Variants in CD34 observed in about 807,000 individuals in gnomAD.
CD34 encodes CD34 molecule.
CD34 carries 34 observed loss-of-function variants against 40.1 expected under a neutral mutation model. That is an observed-to-expected ratio of 0.85 (90% CI 0.65 to 1.13). The LOEUF (loss-of-function observed/expected upper bound fraction) is 1.13. Ranked by LOEUF, CD34 falls within the 50% of genes most tolerant of loss-of-function variation. The probability of loss-of-function intolerance (pLI) is 0.00; values close to 1 mark genes in which losing one functional copy is unlikely to be tolerated. For missense variants in CD34, 426 were observed against 466.9 expected (o/e 0.91, Z 0.81); for synonymous variants, 209 against 190.0 (o/e 1.10, Z -0.82).
At chr1:207,900,995 A>ACT (rs1025646137) in intron 1 of CD34, among the ~76,000 whole-genome samples, 2 of 97,434 alleles carry the variant, frequency 2.1e-5, no homozygotes, top group Non-Finnish European at 4.0e-5. Flanking sequence ...TGGGATACAT[A>ACT]CTTTTTTTTT....
At chr1:207,895,510 G>T (rs1662133419) in intron 4 of CD34, among the ~76,000 whole-genome samples, 1 of 152,214 alleles carries the variant, frequency 6.6e-6, no homozygotes, top group African/African-American at 2.4e-5. Context: ...CCCACTCACA[G>T]ATACTACCTC....
intron 7 of CD34, 76 bp from the exon 8 acceptor site, chr1:207,887,999 C>T (rs1207149836): frequency 3.5e-6 from 5 of 1,426,882 alleles, no homozygotes; most frequent in Middle Eastern, 1.9e-4. Flanking sequence ...GGGGCCCAAA[C>T]AGGAAGTGGG....
chr1:207,895,467 G>A (rs1307634888), intron 4 of CD34, among the ~76,000 whole-genome samples: 1 of 152,176 alleles, frequency 6.6e-6, no homozygotes, highest in Non-Finnish European at 1.5e-5. Flanking sequence ...CTTTGGCATA[G>A]GAACTGGAGG....
chr1:207,903,364 C>G (rs573689109), intron 1 of CD34, among the ~76,000 whole-genome samples: 6 of 152,154 alleles, frequency 3.9e-5, no homozygotes, highest in Non-Finnish European at 7.3e-5. Context: ...TTGTCACATC[C>G]TAAGAGACAA....
intron 1 of CD34, among the ~76,000 whole-genome samples, chr1:207,906,621 G>C (rs1360521742): frequency 1.3e-5 from 2 of 152,112 alleles, no homozygotes; most frequent in East Asian, 3.9e-4. Context: ...GATGTGGGTG[G>C]ATCATCTGAA....
At chr1:207,910,860 G>A in intron 1 of CD34, 142 bp downstream of exon 1, 1 of 830,732 alleles carries the variant, frequency 1.2e-6, no homozygotes, top group Non-Finnish European at 1.9e-6. Context: ...GCCCCGGGGG[G>A]AAGCAGCTGT....
rs745370982 is a variant in CD34 at position 207,911,120 on chromosome 1, G to A, written c.-40C>T. On this transcript the variant is annotated 5_prime_UTR_variant, in exon 1 of 8. Transcript: ENST00000310833. Reference sequence around the variant, plus strand: ...TCCTAGAGAGACGCACCGAGTGGAAGACACTACTCGGCTTGGCCAGGACGC... The same window carrying A: ...TCCTAGAGAGACGCACCGAGTGGAAAACACTACTCGGCTTGGCCAGGACGC... 3 of 1,527,176 alleles carry A rather than the reference G, an allele frequency of 2.0e-6. No homozygotes were observed. The highest frequency in any genetic ancestry group is 1.8e-6 in the Non-Finnish European group (2 of 1,135,534). 94.6% of individuals were successfully genotyped at this position (1,527,176 alleles called of 1,614,324 possible).
intron 1 of CD34, 118 bp from the exon 2 acceptor site, chr1:207,900,121 T>C (rs1263428462): frequency 2.8e-5 from 21 of 749,456 alleles, no homozygotes; most frequent in Non-Finnish European, 4.1e-5. Flanking sequence ...CTGCCCCTTG[T>C]TGGCAGCAAC....
Position 207,880,976 on chromosome 1 carries a change from T to C in CD34, c.*6762A>G, listed in dbSNP as rs1286468426. 1 of 152,218 alleles carries C rather than the reference T, an allele frequency of 6.6e-6. No individual in the cohort carries two copies. The highest frequency in any genetic ancestry group is 1.5e-5 in the Non-Finnish European group (1 of 68,036). 9.4% of individuals were successfully genotyped at this position (152,218 alleles called of 1,614,324 possible). A position where few individuals can be genotyped will look rare whatever the true frequency, so the allele number is the denominator to read the frequency against. ...GAAGGGTTAAAGTGAAATGTATTCCTACCAAAACTATAAGGTCATGTTTAA... is the reference window on the plus strand; with the variant it reads ...GAAGGGTTAAAGTGAAATGTATTCCCACCAAAACTATAAGGTCATGTTTAA... On this transcript the variant is annotated 3_prime_UTR_variant, in exon 8 of 8. Coordinates refer to ENST00000310833, the MANE Select transcript of CD34 (RefSeq NM_001025109.2).
At chr1:207,888,075 G>T in intron 7 of CD34, 152 bp from the exon 8 acceptor site, 2 of 1,613,776 alleles carry the variant, frequency 1.2e-6, no homozygotes, top group South Asian at 2.2e-5. Context: ...GCAGCTGCAT[G>T]TGCAGACTCC....
Position 207,910,997 on chromosome 1 carries a change from C to A in CD34, c.79+5G>T. On this transcript the variant is annotated splice_donor_5th_base_variant and intron_variant, in intron 1 of 7. Transcript: ENST00000310833. ...AAGCGGCCGCGGCGCGCGGGCGGTA[C>A]TCACGCAGCAAACTCAGCAAGCAAA... The A allele has an allele frequency of 6.3e-7, 1 of 1,581,676 alleles. No individual in the cohort carries two copies. The highest frequency in any genetic ancestry group is 8.6e-7 in the Non-Finnish European group (1 of 1,166,860).
At chr1:207,904,125 C>T (rs1017049448) in intron 1 of CD34, among the ~76,000 whole-genome samples, 1 of 152,216 alleles carries the variant, frequency 6.6e-6, no homozygotes, top group African/African-American at 2.4e-5. Context: ...GAAAGCTCTG[C>T]TACCAAAATA....
intron 2 of CD34, 37 bp downstream of exon 2, chr1:207,899,784 G>C (rs746269732): frequency 1.3e-6 from 2 of 1,566,968 alleles, no homozygotes; most frequent in Admixed American, 1.8e-5. Context: ...AGCATCACCA[G>C]CATCTCTCCG....
intron 6 of CD34, 111 bp from the exon 7 acceptor site, chr1:207,888,957 A>T (rs1661970138): frequency 8.9e-7 from 1 of 1,124,988 alleles, no homozygotes; most frequent in Admixed American, 2.1e-5. Flanking sequence ...GAGGGCATTG[A>T]CCTCAGGAAT....
At position 207,887,724 on chromosome 1, in the gene CD34, C is replaced by G. The variant is rs757688761; in HGVS notation, c.*14G>C. 4.3e-6 allele frequency: 7 copies of G among 1,613,878 alleles called. No individual in the cohort carries two copies. In the African/African-American group the frequency reaches 9.3e-5, roughly 22 times the overall value. ...TCTCTCGGACACTGCCCAGCCTTGCCCCACCTAGCCGAGTCACAATTCGGT... is the reference window on the plus strand; with the variant it reads ...TCTCTCGGACACTGCCCAGCCTTGCGCCACCTAGCCGAGTCACAATTCGGT... On this transcript the variant is annotated 3_prime_UTR_variant, in exon 8 of 8. Transcript: ENST00000310833.
chr1:207,906,706 T>C (rs1039138841), intron 1 of CD34, among the ~76,000 whole-genome samples: 1 of 152,106 alleles, frequency 6.6e-6, no homozygotes, highest in East Asian at 1.9e-4. Context: ...TAGCTGGGCA[T>C]GGTGGCGCAT....
At chr1:207,902,769 G>A (rs1485627530) in intron 1 of CD34, among the ~76,000 whole-genome samples, 1 of 152,162 alleles carries the variant, frequency 6.6e-6, no homozygotes, top group African/African-American at 2.4e-5. Flanking sequence ...TTTTCCAGAT[G>A]TGGAGTGAGA....
Position 207,897,498 on chromosome 1 carries a change from T to C in CD34, c.592A>G (p.Ser198Gly). 7 of 1,557,620 alleles carry C rather than the reference T, an allele frequency of 4.5e-6. No individual in the cohort carries two copies. The highest frequency in any genetic ancestry group is 6.1e-6 in the Non-Finnish European group (7 of 1,148,812). ...TGGGTGGGGGGTTGACTTACACAGC[T>C]GGAGGTCTTATTTTGCTCCAGGCAG... is the stretch of plus-strand genomic sequence containing the variant. Reference protein sequence around the residue: ...GICLEQNKTSSCAEFKKDRGE... With the variant: ...GICLEQNKTSGCAEFKKDRGE... Residue 198 changes from serine (S) to glycine (G), a missense_variant, in exon 4 of 8, where the codon AGC becomes GGC. Transcript: ENST00000310833.
In CD34 at chr1:207,885,954, G is replaced by C. The variant is rs1312345478; in HGVS notation, c.*1784C>G. The C allele has an allele frequency of 1.3e-5, 2 of 151,502 alleles. No homozygotes were observed. The highest frequency in any genetic ancestry group is 2.9e-5 in the Non-Finnish European group (2 of 67,906). The allele number at this position is 151,502 out of a possible 1,614,324, so 9.4% of individuals were successfully genotyped here. On this transcript the variant is annotated 3_prime_UTR_variant, in exon 8 of 8. Coordinates refer to ENST00000310833, the MANE Select transcript of CD34 (RefSeq NM_001025109.2). ...CTTCCTATGGCCTGGTAGGGGTGGG[G>C]TGGGGGTTGTTTTGGAAGCTGGGGG...
Sources: gnomAD v4.1 joint callset for allele counts (sites outside exome capture counted in the v4.1 genomes callset) on GRCh38, gnomAD v4.1.1 for gene constraint, MANE v1.5 for transcripts, NCBI Gene and HGNC (gene_info 2026-07-23, HGNC 2026-07-21) for gene names.